WFDC1: variants seen among roughly 807,000 people sequenced by gnomAD.
WFDC1 encodes the protein WAP four-disulfide core domain protein 1.
In WFDC1, 39 loss-of-function variants were observed where a neutral mutation model predicts 32.9. The observed-to-expected ratio is 1.19, with a 90% CI of 0.92 to 1.55. The LOEUF is 1.55. Ranked by LOEUF, WFDC1 falls within the 40% of genes most tolerant of loss-of-function variation. WFDC1 has a pLI of 0.00. For synonymous variants in WFDC1, 184 were observed against 137.4 expected, an observed-to-expected ratio of 1.34 and a Z score of -2.37; for missense variants, 386 against 309.5, an observed-to-expected ratio of 1.25 and a Z score of -1.85.
At position 84,311,384 on chromosome 16, in the gene WFDC1, A is replaced by ATTTTTTTTT. The variant is rs747950638; in HGVS notation, c.145-1569_145-1568insTTTTTTTTT. 1.4e-4 allele frequency among the ~76,000 whole-genome samples: 17 copies of ATTTTTTTTT among 118,330 alleles called. 1 individual carries two copies. The highest frequency in any genetic ancestry group is 5.8e-4 in the East Asian group (2 of 3,434). The allele number at this position is 118,330 out of a possible 152,430, so 77.6% of individuals were successfully genotyped here. On this transcript the variant is annotated intron_variant, in intron 1 of 6. Transcript: ENST00000219454. The stretch of plus-strand genomic sequence containing the variant: ...AGGTGCTCGCCACCACGCCCGGCTA[A>ATTTTTTTTT]TTTTTTTTCTTTTTTTTGTATTTTT...
At position 84,294,996 on chromosome 16, in the gene WFDC1, G is replaced by C; in HGVS notation, c.25G>C (p.Gly9Arg). 1 of 1,613,962 alleles carries C rather than the reference G, an allele frequency of 6.2e-7. No individual in the cohort carries two copies. Residue 9 changes from glycine (G) to arginine (R), a missense_variant, in exon 1 of 7, where the codon GGC becomes CGC. By Grantham distance (125) the Gly-to-Arg change is moderately radical. Transcript: ENST00000219454. MPLTGVGP[G>R]SCRRQIIRAL... Reference sequence around the variant, plus strand: ...AATGCCTTTAACCGGCGTGGGGCCGGGCAGCTGCAGGAGGCAGATCATCCG... The same window carrying C: ...AATGCCTTTAACCGGCGTGGGGCCGCGCAGCTGCAGGAGGCAGATCATCCG...
intron 1 of WFDC1, among the ~76,000 whole-genome samples, chr16:84,302,148 C>G (rs150332247): frequency 2.5e-4 from 38 of 152,144 alleles, no homozygotes; most frequent in African/African-American, 8.7e-4. Flanking sequence ...GATGCAACGT[C>G]CAGAAGAGGC....
At chr16:84,295,887 G>A (rs957493452) in intron 1 of WFDC1, 3 of 152,420 alleles carry the variant, frequency 2.0e-5, no homozygotes, top group African/African-American at 7.2e-5. Context: ...CTGTTTACCA[G>A]GTACTGTCCT....
intron 1 of WFDC1, among the ~76,000 whole-genome samples, chr16:84,307,797 C>T (rs938855694): frequency 6.6e-6 from 1 of 152,160 alleles, no homozygotes; most frequent in African/African-American, 2.4e-5. Context: ...TTGCGGACCC[C>T]AACATGGGTC....
chr16:84,321,615 C>G (rs1464498679), intron 4 of WFDC1, among the ~76,000 whole-genome samples: 1 of 152,190 alleles, frequency 6.6e-6, no homozygotes, highest in East Asian at 1.9e-4. Context: ...CTTAAGGGTT[C>G]AAACCAGTTA....
chr16:84,327,004 C>T (rs969556291), intron 6 of WFDC1, 49 bp downstream of exon 6: 3 of 1,592,952 alleles, frequency 1.9e-6, no homozygotes, highest in Non-Finnish European at 2.6e-6. Context: ...TGTGGGCAGC[C>T]AGTGTCCTGG....
At chr16:84,300,242 A>T (rs1334864707) in intron 1 of WFDC1, among the ~76,000 whole-genome samples, 1 of 152,182 alleles carries the variant, frequency 6.6e-6, no homozygotes, top group Non-Finnish European at 1.5e-5. Context: ...GGTGCCGGGG[A>T]GGTAACACCT....
intron 4 of WFDC1, among the ~76,000 whole-genome samples, chr16:84,323,080 A>C (rs1344093330): frequency 1.3e-5 from 2 of 152,286 alleles, no homozygotes; most frequent in South Asian, 2.1e-4. Flanking sequence ...GGGAGCAGGA[A>C]AGTTTTGGGG....
chr16:84,301,401 T>C (rs567535008), intron 1 of WFDC1, among the ~76,000 whole-genome samples: 50 of 152,206 alleles, frequency 3.3e-4, no homozygotes, highest in Admixed American at 5.2e-4. Context: ...GAATGACTTA[T>C]CTGTGCTGTT....
At chr16:84,315,203 C>A (rs934448940) in intron 2 of WFDC1, among the ~76,000 whole-genome samples, 2 of 152,234 alleles carry the variant, frequency 1.3e-5, no homozygotes, top group South Asian at 4.1e-4. Flanking sequence ...TGGCTCACTT[C>A]CTTGCCTCCT....
intron 1 of WFDC1, among the ~76,000 whole-genome samples, chr16:84,301,347 G>T (rs1906921995): frequency 6.6e-6 from 1 of 152,178 alleles, no homozygotes; most frequent in Non-Finnish European, 1.5e-5. Flanking sequence ...GTTGCAACCG[G>T]CAACGAGACA....
chr16:84,319,939 T>G (rs759411886), intron 4 of WFDC1, among the ~76,000 whole-genome samples: 9 of 152,156 alleles, frequency 5.9e-5, no homozygotes, highest in Non-Finnish European at 1.3e-4. Context: ...TGCAGAGCAG[T>G]CGGAGCAGCC....
At position 84,316,523 on chromosome 16, in the gene WFDC1, G is replaced by C. The variant is rs538255507; in HGVS notation, c.338-1749G>C. ...ACCTGTAATCCCAGCACTTTGGGAG[G>C]CCAAAGCAGGAGGATCACGCGAGGC... On this transcript the variant is annotated intron_variant, in intron 2 of 6. Transcript: ENST00000219454. The C allele has an allele frequency of 5.3e-5, 8 of 152,338 alleles. 1 individual carries two copies. In the East Asian group the frequency reaches 1.2e-3, roughly 22 times the overall value. The allele number at this position is 152,338 out of a possible 1,614,324, so 9.4% of individuals were successfully genotyped here.
At chr16:84,307,429 C>T (rs1279853757) in intron 1 of WFDC1, among the ~76,000 whole-genome samples, 1 of 152,320 alleles carries the variant, frequency 6.6e-6, no homozygotes, top group South Asian at 2.1e-4. Flanking sequence ...GTTTCAGTCA[C>T]GCAGTAAATA....
chr16:84,296,483 G>A (rs1227679074), intron 1 of WFDC1, among the ~76,000 whole-genome samples: 1 of 152,164 alleles, frequency 6.6e-6, no homozygotes, highest in Admixed American at 6.5e-5. Flanking sequence ...TAGGGTTGGG[G>A]ACAGTGGACC....
rs375111740 is a variant in WFDC1 at position 84,318,259 on chromosome 16, C to G, written c.338-13C>G. 1.2e-6 allele frequency: 2 copies of G among 1,613,852 alleles called. No individual in the cohort carries two copies. The highest frequency in any genetic ancestry group is 1.7e-6 in the Non-Finnish European group (2 of 1,179,872). On this transcript the variant is annotated splice_polypyrimidine_tract_variant and intron_variant, in intron 2 of 6. Transcript: ENST00000219454. ...CTTGAGGAGGGCCCTGATCTGACCC[C>G]GTATTGTGTTAGTCTTAGACTGGCT...
chr16:84,318,997 G>C (rs577364244), intron 3 of WFDC1: 1 of 221,098 alleles, frequency 4.5e-6, no homozygotes, highest in African/African-American at 2.3e-5. Context: ...AAGCGTGTGT[G>C]TATGTGGGTG....
At chr16:84,306,048 A>AT (rs1241275885) in intron 1 of WFDC1, among the ~76,000 whole-genome samples, 7 of 145,670 alleles carry the variant, frequency 4.8e-5, no homozygotes, top group South Asian at 2.1e-4. Flanking sequence ...AATAATAATA[A>AT]AAGGAATAAA....
At chr16:84,318,966 T>G (rs1908131556) in intron 3 of WFDC1, 1 of 205,180 alleles carries the variant, frequency 4.9e-6, no homozygotes, top group Non-Finnish European at 1.0e-5. Context: ...GTGACTGTAT[T>G]GTGAGTGTAC....
Sources: allele counts gnomAD v4.1 joint callset (sites outside exome capture counted in the v4.1 genomes callset), GRCh38; gene constraint gnomAD v4.1.1; transcripts MANE v1.5; gene names NCBI Gene and HGNC (gene_info 2026-07-23, HGNC 2026-07-21).